Variants in SV2C observed in about 807,000 individuals in gnomAD.
SV2C encodes the protein solute carrier family 22 member B3.
Under a neutral mutation model 79.7 loss-of-function variants are expected in SV2C, and 49 were observed. The ratio of observed to expected loss-of-function variants is 0.61; its 90% CI spans 0.49 to 0.78. SV2C has a LOEUF of 0.78. SV2C is among the 30% of genes least tolerant of loss of function. The probability of loss-of-function intolerance (pLI) is 0.00; values close to 1 mark genes in which losing one functional copy is unlikely to be tolerated. For missense variants in SV2C, 833 were observed against 912.9 expected, an observed-to-expected ratio of 0.91 and a Z score of 1.13; for synonymous variants, 334 against 333.2, an observed-to-expected ratio of 1.00 and a Z score of -0.03.
upstream of SV2C, among the ~76,000 whole-genome samples, chr5:76,080,743 A>G (rs1746973574): frequency 6.6e-6 from 1 of 152,208 alleles, no homozygotes; most frequent in South Asian, 2.1e-4. Context: ...TAGGAGAGCA[A>G]TGACTTTAGA....
chr5:76,158,083 A>C (rs535632770), intron 2 of SV2C, among the ~76,000 whole-genome samples: 23 of 152,028 alleles, frequency 1.5e-4, no homozygotes, highest in Non-Finnish European at 2.9e-4. Context: ...GCTATAGTAG[A>C]AAATATTCTC....
In SV2C at chr5:76,131,929, C is replaced by T. The variant is rs758651691; in HGVS notation, c.179C>T (p.Pro60Leu). 1.3e-5 allele frequency: 21 copies of T among 1,613,922 alleles called. No individual in the cohort carries two copies. Among genetic ancestry groups the T allele is most frequent in the East Asian group, 4.5e-5 (2 of 44,876 alleles). ...QDEEDDDDYY[P>L]AGETYNGEAN... ...GAAGAAGATGATGATGACTACTACCCGGCTGGAGAAACCTATAATGGTGAG... is the reference window on the plus strand; with the variant it reads ...GAAGAAGATGATGATGACTACTACCTGGCTGGAGAAACCTATAATGGTGAG... Residue 60 changes from proline (P) to leucine (L), a missense_variant, in exon 2 of 13, where the codon CCG (proline) becomes CTG (leucine). Pro to Leu is a moderately conservative substitution (Grantham distance 98). Coordinates refer to ENST00000502798, the MANE Select transcript of SV2C (RefSeq NM_014979.4).
chr5:76,312,480 T>G (rs2112546151), intron 12 of SV2C, among the ~76,000 whole-genome samples: 1 of 152,272 alleles, frequency 6.6e-6, no homozygotes, highest in African/African-American at 2.4e-5. Context: ...CTCGAACTCC[T>G]GACCTCAAGT....
At chr5:75,875,576 C>G in the SV2C span, among the ~76,000 whole-genome samples, 1 of 152,072 alleles carries the variant, frequency 6.6e-6, no homozygotes. Flanking sequence ...CAAAAATTGT[C>G]AAGTGGGATC....
chr5:75,897,872 C>G, the SV2C span, among the ~76,000 whole-genome samples: 1 of 151,912 alleles, frequency 6.6e-6, no homozygotes, highest in Admixed American at 6.6e-5. Flanking sequence ...CTCTGTTTGT[C>G]TGTTATTGGT....
chr5:75,890,913 T>C, the SV2C span, among the ~76,000 whole-genome samples: 7 of 152,072 alleles, frequency 4.6e-5, no homozygotes, highest in African/African-American at 1.7e-4. Flanking sequence ...CATTTGTTTC[T>C]GGTTGGCTGT....
At chr5:76,123,966 G>C (rs2112168677) in intron 1 of SV2C, among the ~76,000 whole-genome samples, 1 of 152,310 alleles carries the variant, frequency 6.6e-6, no homozygotes, top group South Asian at 2.1e-4. Flanking sequence ...CATCTGCATA[G>C]TCTAAATATT....
intron 1 of SV2C, among the ~76,000 whole-genome samples, chr5:76,105,409 C>T (rs947368239): frequency 2.0e-5 from 3 of 152,078 alleles, no homozygotes; most frequent in Admixed American, 1.3e-4. Context: ...AGACACAAGC[C>T]CCAGATAGCT....
chr5:76,219,893 T>G (rs1745018161), intron 4 of SV2C, among the ~76,000 whole-genome samples: 1 of 152,230 alleles, frequency 6.6e-6, no homozygotes, highest in Non-Finnish European at 1.5e-5. Flanking sequence ...GGAAGTGATG[T>G]CAGGCATTTA....
At chr5:76,037,846 G>A in the SV2C span, among the ~76,000 whole-genome samples, 1 of 152,196 alleles carries the variant, frequency 6.6e-6, no homozygotes, top group South Asian at 2.1e-4. Flanking sequence ...CCCCAGCCTC[G>A]TTGCCGCCTT....
chr5:76,260,762 G>C (rs1295105245), intron 4 of SV2C, among the ~76,000 whole-genome samples: 1 of 152,148 alleles, frequency 6.6e-6, no homozygotes, highest in African/African-American at 2.4e-5. Flanking sequence ...TAGATGTGTG[G>C]TGTTATTTCT....
At chr5:76,158,210 C>T (rs1742794000) in intron 2 of SV2C, among the ~76,000 whole-genome samples, 1 of 151,704 alleles carries the variant, frequency 6.6e-6, no homozygotes, top group Admixed American at 6.6e-5. Context: ...ACATTAAATA[C>T]TTTTAATTAA....
At chr5:75,915,243 A>G in the SV2C span, among the ~76,000 whole-genome samples, 1 of 152,196 alleles carries the variant, frequency 6.6e-6, no homozygotes, top group Non-Finnish European at 1.5e-5. Context: ...GGTCACAACT[A>G]TCAGTGTGCC....
intron 12 of SV2C, among the ~76,000 whole-genome samples, chr5:76,345,847 C>G (rs901301577): frequency 6.6e-6 from 1 of 152,130 alleles, no homozygotes; most frequent in Non-Finnish European, 1.5e-5. Context: ...AAGGGAAGAG[C>G]CTAGCTTGGC....
chr5:76,226,173 C>G (rs541665161), intron 4 of SV2C, among the ~76,000 whole-genome samples: 1 of 152,190 alleles, frequency 6.6e-6, no homozygotes, highest in Non-Finnish European at 1.5e-5. Context: ...TATACATTAG[C>G]CTGAGCAGTT....
At chr5:75,994,198 A>G in the SV2C span, among the ~76,000 whole-genome samples, 1 of 152,100 alleles carries the variant, frequency 6.6e-6, no homozygotes, top group African/African-American at 2.4e-5. Flanking sequence ...AATCATGTCT[A>G]TATGTGATCA....
chr5:75,978,236 T>G, the SV2C span, among the ~76,000 whole-genome samples: 1 of 152,220 alleles, frequency 6.6e-6, no homozygotes, highest in Non-Finnish European at 1.5e-5. Context: ...TTTCTTAGGC[T>G]ATGCAACACC....
At chr5:76,304,932 G>T (rs754420724) in intron 12 of SV2C, among the ~76,000 whole-genome samples, 1 of 152,178 alleles carries the variant, frequency 6.6e-6, no homozygotes, top group Non-Finnish European at 1.5e-5. Context: ...ATTGGCTCAT[G>T]GTTCTGCAGA....
intron 1 of SV2C, among the ~76,000 whole-genome samples, chr5:76,102,990 G>A (rs573516286): frequency 6.4e-4 from 98 of 152,154 alleles, no homozygotes; most frequent in Middle Eastern, 6.8e-3. Flanking sequence ...TCTATTGGAC[G>A]TTGACAAAGT....
Sources: gnomAD v4.1 joint callset for allele counts (sites outside exome capture counted in the v4.1 genomes callset) on GRCh38, gnomAD v4.1.1 for gene constraint, MANE v1.5 for transcripts, NCBI Gene and HGNC (gene_info 2026-07-23, HGNC 2026-07-21) for gene names.